Variants in POLR3E observed in about 807,000 individuals in gnomAD.
POLR3E encodes DNA-directed RNA polymerase III subunit RPC5.
POLR3E carries 41 observed loss-of-function variants against 96.6 expected under a neutral mutation model. The observed-to-expected ratio is 0.42, with a 90% CI of 0.33 to 0.55. POLR3E has a LOEUF of 0.55. Ranked by LOEUF, POLR3E falls within the 20% of genes least tolerant of loss-of-function variation. POLR3E has a pLI of 0.06. For missense variants in POLR3E, 849 were observed against 952.1 expected (o/e 0.89, Z 1.43); for synonymous variants, 396 against 383.6 (o/e 1.03, Z -0.38).
chr16:22,319,433 C>G (rs1450815116), intron 13 of POLR3E, among the ~76,000 whole-genome samples: 1 of 151,150 alleles, frequency 6.6e-6, no homozygotes, highest in Non-Finnish European at 1.5e-5. Flanking sequence ...GAGTCTCGCT[C>G]TGTCCCACAG....
chr16:22,299,613 C>G (rs2047979328), intron 1 of POLR3E, among the ~76,000 whole-genome samples: 1 of 151,716 alleles, frequency 6.6e-6, no homozygotes, highest in Non-Finnish European at 1.5e-5. Flanking sequence ...GGGGTTTCAC[C>G]TTATTGGCCA....
intron 2 of POLR3E, among the ~76,000 whole-genome samples, chr16:22,303,639 C>CTTTTTTTTTTTTTT (rs58949663): frequency 1.6e-4 from 18 of 114,220 alleles, no homozygotes; most frequent in East Asian, 6.9e-4. Context: ...GCAGATTTCC[C>CTTTTTTTTTTTTTT]TTTTTTTTTT....
chr16:22,333,254 A>T (rs1008800593), intron 20 of POLR3E, among the ~76,000 whole-genome samples: 33 of 151,294 alleles, frequency 2.2e-4, no homozygotes, highest in African/African-American at 7.0e-4. Flanking sequence ...GGAGTTTGAG[A>T]CCAGCCTGAC....
At chr16:22,317,551 G>A (rs1451157560) in intron 12 of POLR3E, among the ~76,000 whole-genome samples, 1 of 152,142 alleles carries the variant, frequency 6.6e-6, no homozygotes, top group East Asian at 1.9e-4. Context: ...AGAGACTAAT[G>A]ATAGTTCCTG....
At chr16:22,323,577 G>T (rs951928874) in intron 14 of POLR3E, among the ~76,000 whole-genome samples, 1 of 152,148 alleles carries the variant, frequency 6.6e-6, no homozygotes, top group Admixed American at 6.5e-5. Context: ...CAGCCCTTAA[G>T]CTGAAGGAAG....
chr16:22,320,098 AC>A (rs2141786626), intron 13 of POLR3E, among the ~76,000 whole-genome samples: 1 of 152,132 alleles, frequency 6.6e-6, no homozygotes, highest in South Asian at 2.1e-4. Flanking sequence ...GCTGCTTTTT[AC>A]CCCATTCCAA....
At chr16:22,324,481 C>T (rs771346108) in intron 15 of POLR3E, 22 bp from the exon 16 acceptor site, 34 of 1,610,252 alleles carry the variant, frequency 2.1e-5, no homozygotes, top group Admixed American at 3.3e-5. Context: ...CTGTGCCTCA[C>T]GCTGGGCCCC....
intron 2 of POLR3E, among the ~76,000 whole-genome samples, chr16:22,303,802 G>A (rs1252483353): frequency 2.1e-5 from 3 of 145,224 alleles, no homozygotes; most frequent in Admixed American, 6.9e-5. Context: ...CACCACGCCC[G>A]ACTAATTTTT....
In POLR3E at chr16:22,324,580, G is replaced by C; in HGVS notation, c.1206G>C (p.Leu402=). The part of the protein sequence containing the change: ...VRINKGWEFI[L]PYDGEFIKKH... ...TCAACAAAGGCTGGGAGTTCATTCT[G>C]CCTTATGATGGGGAGTTCATCAAGA... The change falls in exon 16 of 21, where the codon CTG becomes CTC. Residue 402 remains leucine, a synonymous_variant. Transcript: ENST00000299853. 1 of 1,613,528 alleles carries C rather than the reference G, an allele frequency of 6.2e-7. No individual in the cohort carries two copies. The highest frequency in any genetic ancestry group is 1.3e-5 in the African/African-American group (1 of 74,898).
intron 14 of POLR3E, among the ~76,000 whole-genome samples, chr16:22,324,101 T>C (rs2048527499): frequency 6.7e-6 from 1 of 150,150 alleles, no homozygotes; most frequent in African/African-American, 2.5e-5. Flanking sequence ...CAGGGAGCGC[T>C]GTGGTCTAGG....
At chr16:22,331,759 C>G (rs951054700) in intron 19 of POLR3E, 1 of 226,396 alleles carries the variant, frequency 4.4e-6, no homozygotes, top group African/African-American at 2.3e-5. Flanking sequence ...ATGTTCAAGC[C>G]ACTCATCCTC....
At chr16:22,324,725 C>G in intron 16 of POLR3E, 65 bp downstream of exon 16, 2 of 1,536,192 alleles carry the variant, frequency 1.3e-6, no homozygotes, top group Admixed American at 1.7e-5. Context: ...CTGGGGAGCA[C>G]TGTCAGGGTG....
intron 3 of POLR3E, among the ~76,000 whole-genome samples, chr16:22,306,720 C>T (rs2048140171): frequency 6.6e-6 from 1 of 152,232 alleles, no homozygotes; most frequent in Non-Finnish European, 1.5e-5. Flanking sequence ...CGTGAATTCT[C>T]ATTTCTTCTA....
chr16:22,332,150 G>T lies in POLR3E; in HGVS notation c.2035G>T (p.Asp679Tyr). ...TCGGTTGACTCAAGAGTGTGGAGAA[G>T]ATCTCAGTAAACAGGAGGTGGATAA... is the stretch of plus-strand genomic sequence containing the variant. ...QSRLTQECGE[D>Y]LSKQEVDKVL... The change falls in exon 20 of 21, where the codon GAT becomes TAT. Residue 679 changes from aspartate to tyrosine, a missense_variant. Transcript: ENST00000299853. 1 of 1,613,540 alleles carries T rather than the reference G, an allele frequency of 6.2e-7. No individual in the cohort carries two copies. The highest frequency in any genetic ancestry group is 8.5e-7 in the Non-Finnish European group (1 of 1,179,506).
intron 1 of POLR3E, among the ~76,000 whole-genome samples, chr16:22,300,260 T>A (rs1291099191): frequency 5.3e-5 from 8 of 152,234 alleles, no homozygotes; most frequent in Non-Finnish European, 1.2e-4. Context: ...TGCAACTGTA[T>A]GTATGTTCTG....
chr16:22,317,198 T>C lies in POLR3E; in HGVS notation c.857T>C (p.Met286Thr). The C allele has an allele frequency of 6.2e-7, 1 of 1,612,054 alleles. No homozygotes were observed. Among genetic ancestry groups the C allele is most frequent in the Non-Finnish European group, 8.5e-7 (1 of 1,179,664 alleles). The change falls in exon 12 of 21, where the codon ATG (methionine) becomes ACG (threonine). Residue 286 changes from methionine (M) to threonine (T), a missense_variant. Met to Thr is a moderately conservative substitution (Grantham distance 81). Transcript: ENST00000299853. ...CTGGCCGATCAGATCAAGATCCTGA[T>C]GAAGAATGGTGGGTGCCTACCCCCT... The part of the protein sequence containing the change: ...LPLADQIKIL[M>T]KNVKVMPFAN...
intron 13 of POLR3E, among the ~76,000 whole-genome samples, chr16:22,321,444 A>C (rs984738589): frequency 6.6e-6 from 1 of 152,222 alleles, no homozygotes; most frequent in African/African-American, 2.4e-5. Context: ...TGCCCAGCGC[A>C]GTTTGTCAGC....
chr16:22,323,051 G>C, intron 14 of POLR3E, 120 bp downstream of exon 14: 1 of 655,768 alleles, frequency 1.5e-6, no homozygotes, highest in Non-Finnish European at 2.7e-6. Flanking sequence ...TGTGTGAGGA[G>C]GCCCTGGCCT....
At chr16:22,324,262 C>A in intron 14 of POLR3E, 92 bp from the exon 15 acceptor site, 1 of 1,014,606 alleles carries the variant, frequency 9.9e-7, no homozygotes, top group Non-Finnish European at 1.6e-6. Context: ...CTGTCCCAGG[C>A]TCCAGCTCCC....
Sources: gnomAD v4.1 joint callset for allele counts (sites outside exome capture counted in the v4.1 genomes callset) on GRCh38, gnomAD v4.1.1 for gene constraint, MANE v1.5 for transcripts, NCBI Gene and HGNC (gene_info 2026-07-23, HGNC 2026-07-21) for gene names.